POLE: variants seen among roughly 807,000 people sequenced by gnomAD.
POLE encodes DNA polymerase epsilon, catalytic subunit.
POLE carries 188 observed loss-of-function variants against 279.2 expected under a neutral mutation model. The ratio of observed to expected loss-of-function variants is 0.67; its 90% confidence interval spans 0.60 to 0.76. POLE has a LOEUF of 0.76. Ranked by LOEUF, POLE falls within the 30% of genes least tolerant of loss-of-function variation. The pLI, the probability that POLE is intolerant of heterozygous loss-of-function variation, is 0.00. For missense variants in POLE, 2,703 were observed against 3,016.7 expected (o/e 0.90, Z 2.44); for synonymous variants, 1,214 against 1,172.5 (o/e 1.04, Z -0.72).
rs1410984040 is a variant in POLE, at chr12:132,639,419, G to A, written c.5379-121C>T. ...CACGGCTGGGTCCAAATCCGTCACT[G>A]TCGCCTCCCCTTCTCACTGTCCCCA... On this transcript the variant is annotated intron_variant, in intron 39 of 48. Transcript: ENST00000320574. The surrounding 1 kb of genome is among the most constrained non-coding windows in gnomAD (Gnocchi z 4.7). 12 of 837,936 alleles carry A rather than the reference G, an allele frequency of 1.4e-5. No homozygotes were observed. Among genetic ancestry groups the A allele is most frequent in the Non-Finnish European group, 2.1e-5 (11 of 533,508 alleles). 51.9% of individuals were successfully genotyped at this position (837,936 alleles called of 1,614,324 possible).
At chr12:132,637,348 C>T (rs1437338539) in intron 41 of POLE, among the ~76,000 whole-genome samples, 1 of 152,230 alleles carries the variant, frequency 6.6e-6, no homozygotes, top group Non-Finnish European at 1.5e-5. Flanking sequence ...TGTGCCTCCA[C>T]AAGCAACTCC....
At chr12:132,685,481 C>T (rs545740710) in intron 1 of POLE, among the ~76,000 whole-genome samples, 6 of 152,390 alleles carry the variant, frequency 3.9e-5, no homozygotes, top group African/African-American at 1.4e-4. Context: ...CCCACTGCCT[C>T]CTGGGGCACA....
At chr12:132,628,901 AATGTTG>A (rs2041886185) in intron 45 of POLE, among the ~76,000 whole-genome samples, 1 of 152,110 alleles carries the variant, frequency 6.6e-6, no homozygotes, top group Admixed American at 6.5e-5. Context: ...CACTCCTGTT[AATGTTG>A]ATATTTTGAC....
At chr12:132,632,529 A>C in intron 44 of POLE, 21 bp from the exon 45 acceptor site, 1 of 1,612,612 alleles carries the variant, frequency 6.2e-7, no homozygotes, top group South Asian at 1.1e-5. Context: ...AAGGATGCTG[A>C]GGGAGGGGTC....
chr12:132,661,307 G>A lies in POLE; in HGVS notation c.2865-143C>T. On this transcript the variant is annotated intron_variant, in intron 24 of 48. Transcript: ENST00000320574. This position sits in a 1 kb window ranked among gnomAD's most constrained non-coding sequence, Gnocchi z 4.1. ...AGGCAGCAAACGTCTCTCTCCCTTAGGCCACTGCTTCTCTAAAAGGAAAAT... is the reference window on the plus strand; with the variant it reads ...AGGCAGCAAACGTCTCTCTCCCTTAAGCCACTGCTTCTCTAAAAGGAAAAT... The A allele has an allele frequency of 1.0e-6, 1 of 961,284 alleles. No homozygotes were observed. The highest frequency in any genetic ancestry group is 2.4e-5 in the East Asian group (1 of 41,578). The allele number at this position is 961,284 out of a possible 1,614,324, so 59.5% of individuals were successfully genotyped here. A position where few individuals can be genotyped will look rare whatever the true frequency, so the allele number is the denominator to read the frequency against.
chr12:132,640,399 T>C (rs1317445162), intron 39 of POLE, among the ~76,000 whole-genome samples: 1 of 152,240 alleles, frequency 6.6e-6, no homozygotes, highest in African/African-American at 2.4e-5. Flanking sequence ...GCTGGGCCCC[T>C]ACACCGAAGC....
intron 20 of POLE, 28 bp downstream of exon 20, chr12:132,667,475 C>T (rs757739966): frequency 1.9e-6 from 3 of 1,611,370 alleles, no homozygotes; most frequent in Non-Finnish European, 2.5e-6. Flanking sequence ...CTCACAGAGG[C>T]CAAAGCTTGC....
chr12:132,658,089 A>C, intron 26 of POLE, 119 bp from the exon 27 acceptor site: 1 of 696,948 alleles, frequency 1.4e-6, no homozygotes. Flanking sequence ...ACAAACATCA[A>C]TGTATACATC....
rs568681970 is a variant in POLE at position 132,672,174 on chromosome 12, G to A, written c.1794+41C>T. The A allele has an allele frequency of 1.1e-4, 151 of 1,387,092 alleles. No individual in the cohort carries two copies. In the East Asian group the frequency reaches 2.5e-3, roughly 23 times the overall value. The allele number at this position is 1,387,092 out of a possible 1,614,324, so 85.9% of individuals were successfully genotyped here. ...GAAAGACGTGGTCTGTGAAGAAGGCGCCAAACACAGACTGGCTCTTCCTGC... is the reference window on the plus strand; with the variant it reads ...GAAAGACGTGGTCTGTGAAGAAGGCACCAAACACAGACTGGCTCTTCCTGC... On this transcript the variant is annotated intron_variant, in intron 16 of 48. Transcript: ENST00000320574.
chr12:132,648,110 T>A (rs2042328825), intron 32 of POLE, among the ~76,000 whole-genome samples: 1 of 152,170 alleles, frequency 6.6e-6, no homozygotes, highest in African/African-American at 2.4e-5. Context: ...GGAGATGCCA[T>A]CTAAGAGCCT....
chr12:132,640,462 G>A (rs571766687), intron 39 of POLE, among the ~76,000 whole-genome samples: 1 of 152,244 alleles, frequency 6.6e-6, no homozygotes, highest in African/African-American at 2.4e-5. Flanking sequence ...CCACAAGGGC[G>A]TGTGCCAGTG....
chr12:132,660,888 G>A (rs2042662511), intron 25 of POLE, 81 bp downstream of exon 25: 3 of 1,198,784 alleles, frequency 2.5e-6, no homozygotes, highest in Non-Finnish European at 3.5e-6. Flanking sequence ...TTGGTCTCCA[G>A]GAGCCCAGGA....
rs1432402314 is a variant in POLE at position 132,677,693 on chromosome 12, G to C, written c.605C>G (p.Thr202Ser). 6.2e-7 allele frequency: 1 copy of C among 1,614,026 alleles called. No individual in the cohort carries two copies. The highest frequency in any genetic ancestry group is 1.3e-5 in the African/African-American group (1 of 74,908). Residue 202 changes from threonine to serine, a missense_variant, in exon 7 of 49, where the codon ACT (threonine) becomes AGT (serine). Coordinates refer to ENST00000320574, the MANE Select transcript of POLE (RefSeq NM_006231.4). ...CTTCTTAGAGGTTTCCTCTTCATCA[G>C]TAATGACACCGCCCCTCTGCAGAAC... Reference protein sequence around the residue: ...SSVLQRGGVITDEEETSKKIA... With the variant: ...SSVLQRGGVISDEEETSKKIA...
At chr12:132,649,101 T>C (rs2138601237) in intron 31 of POLE, 29 bp from the exon 32 acceptor site, 1 of 1,601,674 alleles carries the variant, frequency 6.2e-7, no homozygotes, top group Non-Finnish European at 8.5e-7. Flanking sequence ...ATACAGCACA[T>C]CACAGGACAC....
At chr12:132,685,169 C>T (rs1295755038) in intron 1 of POLE, among the ~76,000 whole-genome samples, 4 of 143,386 alleles carry the variant, frequency 2.8e-5, no homozygotes, top group African/African-American at 5.3e-5. Context: ...TATATCACAC[C>T]GTCCCAGTAC....
chr12:132,642,268 C>G lies in POLE; in HGVS notation c.5082G>C (p.Leu1694=). The G allele has an allele frequency of 6.2e-7, 1 of 1,610,870 alleles. No homozygotes were observed. The highest frequency in any genetic ancestry group is 8.5e-7 in the Non-Finnish European group (1 of 1,178,556). The change falls in exon 38 of 49, where the codon CTG becomes CTC. Residue 1694 remains leucine (L), a synonymous_variant. Transcript: ENST00000320574. ...AGTTGTCATCAGCCTCCTTTCCACC[C>G]AGGTCAGGGCGGGCTGTAGGGGACA... The part of the protein sequence containing the change: ...LWLSPTARPD[L]GGKEADDNCL...
intron 16 of POLE, among the ~76,000 whole-genome samples, chr12:132,669,817 C>T (rs1593795034): frequency 6.6e-6 from 1 of 152,218 alleles, no homozygotes; most frequent in Admixed American, 6.5e-5. Context: ...TCCCCCCAGC[C>T]ACCCTCCGCC....
chr12:132,632,390 CTCTGAGAGCTCAGTGGAGT>C lies in POLE; in HGVS notation c.6236_6254del (p.Asn2079ArgfsTer38), dbSNP rs765923256. The C allele has an allele frequency of 1.2e-6, 2 of 1,614,098 alleles. No homozygotes were observed. On this transcript the variant is annotated frameshift_variant, in exon 45 of 49. Coordinates refer to ENST00000320574, the MANE Select transcript of POLE (RefSeq NM_006231.4). LOFTEE classifies it high-confidence loss of function. The stretch of plus-strand genomic sequence containing the variant: ...GGGAACCGGGGAGGACAGGAAACAT[CTCTGAGAGCTCAGTGGAGT>C]TCCGAGAGCCTGTGACTTTCTTCTG...
Position 132,643,988 on chromosome 12 carries a change from TACG to T in POLE, c.4150-14_4150-12del, listed in dbSNP as rs1565940733. On this transcript the variant is annotated splice_polypyrimidine_tract_variant and intron_variant, in intron 32 of 48. Coordinates refer to ENST00000320574, the MANE Select transcript of POLE (RefSeq NM_006231.4). ...AAGGACCCGATTTACCTGGCGAGAA[TACG>T]ACGATGATCTCGTCACTGGGCGTAA... The T allele has an allele frequency of 1.9e-6, 3 of 1,610,836 alleles. No homozygotes were observed. The highest frequency in any genetic ancestry group is 2.5e-6 in the Non-Finnish European group (3 of 1,177,272).
Sources: allele counts gnomAD v4.1 joint callset (sites outside exome capture counted in the v4.1 genomes callset), GRCh38; gene constraint gnomAD v4.1.1; non-coding constraint Gnocchi (gnomAD v3.1); transcripts MANE v1.5; gene names NCBI Gene and HGNC (gene_info 2026-07-23, HGNC 2026-07-21).